ZNF330: variants seen among roughly 807,000 people sequenced by gnomAD.
ZNF330 encodes nucleolar atypical zinc finger, also known as zinc finger protein 330.
ZNF330 carries 31 observed loss-of-function variants against 45.5 expected under a neutral mutation model. The observed-to-expected ratio is 0.68, with a 90% CI of 0.51 to 0.92. The LOEUF is 0.92. Among genes scored for constraint, ZNF330 ranks in the 40% least tolerant of loss-of-function variants. ZNF330 has a pLI of 0.00. For synonymous variants in ZNF330, 138 were observed against 123.2 expected (o/e 1.12, Z -0.79); for missense variants, 356 against 387.4 (o/e 0.92, Z 0.68).
At chr4:141,233,061 G>A (rs1161474702) in intron 9 of ZNF330, among the ~76,000 whole-genome samples, 2 of 152,042 alleles carry the variant, frequency 1.3e-5, no homozygotes, top group African/African-American at 2.4e-5. Context: ...GTTTATTTAT[G>A]TAATATAGCA....
At chr4:141,228,816 C>CT (rs1309712818) in intron 5 of ZNF330, among the ~76,000 whole-genome samples, 2 of 126,582 alleles carry the variant, frequency 1.6e-5, no homozygotes, top group Middle Eastern at 3.8e-3. Context: ...TGTAATCCAA[C>CT]TCGGGACTTG....
chr4:141,222,098 A>G (rs3775594), intron 1 of ZNF330, among the ~76,000 whole-genome samples: 41,816 of 152,026 alleles, frequency 0.28, 6,219 homozygotes, highest in East Asian at 0.61. Flanking sequence ...GTGGGAAAAG[A>G]AGACTAGTTT....
upstream of ZNF330, among the ~76,000 whole-genome samples, chr4:141,220,553 A>C (rs544035226): frequency 1.2e-4 from 18 of 152,354 alleles, no homozygotes; most frequent in African/African-American, 4.3e-4. Flanking sequence ...CGCAGCAACC[A>C]AGAAAAGGTG....
At chr4:141,231,863 G>A (rs1001759635) in intron 8 of ZNF330, among the ~76,000 whole-genome samples, 3 of 152,046 alleles carry the variant, frequency 2.0e-5, no homozygotes, top group Non-Finnish European at 4.4e-5. Flanking sequence ...TCTAGCATTC[G>A]TTCGTCAAAG....
chr4:141,227,600 C>A (rs540287171), intron 5 of ZNF330, among the ~76,000 whole-genome samples: 1 of 152,058 alleles, frequency 6.6e-6, no homozygotes, highest in Non-Finnish European at 1.5e-5. Flanking sequence ...AATAAACATA[C>A]GTGTGCATTT....
At chr4:141,232,842 C>T (rs891321100) in intron 9 of ZNF330, among the ~76,000 whole-genome samples, 200 bp downstream of exon 9, 1 of 151,854 alleles carries the variant, frequency 6.6e-6, no homozygotes, top group Admixed American at 6.6e-5. Context: ...GACCAATATT[C>T]ATTTTGATAT....
chr4:141,224,726 C>T (rs1337882159), intron 4 of ZNF330, 49 bp downstream of exon 4: 2 of 1,529,482 alleles, frequency 1.3e-6, no homozygotes, highest in East Asian at 2.3e-5. Flanking sequence ...ACTGGTAGTT[C>T]AACAATTTGA....
chr4:141,233,988 AG>A lies in ZNF330; in HGVS notation c.*3del. 1 of 1,610,058 alleles carries A rather than the reference AG, an allele frequency of 6.2e-7. No individual in the cohort carries two copies. Among genetic ancestry groups the A allele is most frequent in the Non-Finnish European group, 8.5e-7 (1 of 1,177,688 alleles). Reference sequence around the variant, plus strand: ...GCTCACTATGAGGAACAAGAGAACTAGGGGAGCTGCTCTGGTGGCCGTGTGT... The same window carrying A: ...GCTCACTATGAGGAACAAGAGAACTAGGGAGCTGCTCTGGTGGCCGTGTGT... Reference protein sequence around the residue: ...GYAHYEEQEN* With the variant: ...GYAHYEEQENX On this transcript the variant is annotated frameshift_variant and stop_lost, in exon 10 of 10. Coordinates refer to ENST00000262990, the MANE Select transcript of ZNF330 (RefSeq NM_014487.6). LOFTEE classifies it high-confidence loss of function.
At chr4:141,222,875 C>T (rs1347032025) in intron 2 of ZNF330, 6 of 162,430 alleles carry the variant, frequency 3.7e-5, no homozygotes, top group Admixed American at 3.6e-4. Flanking sequence ...CATTCTATTA[C>T]CTTATCTACC....
intron 5 of ZNF330, among the ~76,000 whole-genome samples, chr4:141,228,115 G>A (rs976542308): frequency 6.6e-6 from 1 of 152,048 alleles, no homozygotes; most frequent in Non-Finnish European, 1.5e-5. Context: ...GGAGACCTAT[G>A]ATATATTTCA....
rs1236628525 is a variant in ZNF330, at chr4:141,233,728, A to C, written c.702A>C (p.Lys234Asn). Residue 234 changes from lysine to asparagine, a missense_variant, in exon 10 of 10, where the codon AAA (lysine) becomes AAC (asparagine). Lys to Asn is a moderately conservative substitution (Grantham distance 94). Transcript: ENST00000262990. ...TGTCTTCTATAGCACGCTCCCTGAA[A>C]TTTGGCAGGCAGACTGGAGGTGAAG... ...KDLSMSTRSL[K>N]FGRQTGGEEG... The C allele has an allele frequency of 6.2e-7, 1 of 1,613,114 alleles. No homozygotes were observed. Among genetic ancestry groups the C allele is most frequent in the East Asian group, 2.2e-5 (1 of 44,854 alleles).
chr4:141,231,575 T>C, intron 8 of ZNF330, 90 bp downstream of exon 8: 1 of 888,208 alleles, frequency 1.1e-6, no homozygotes, highest in Non-Finnish European at 1.7e-6. Flanking sequence ...CTATAATTAA[T>C]TTATAAGGGA....
chr4:141,224,480 G>A lies in ZNF330; in HGVS notation c.121-7G>A, dbSNP rs1420078404. ...AAAAATTAATGTGATATTTTTATAT[G>A]TTACAGGAATGTGACAAGTGTCAGA... is the stretch of plus-strand genomic sequence containing the variant. On this transcript the variant is annotated splice_polypyrimidine_tract_variant and splice_region_variant and intron_variant, in intron 2 of 9. Transcript: ENST00000262990. 1 of 1,604,724 alleles carries A rather than the reference G, an allele frequency of 6.2e-7. No homozygotes were observed. Among genetic ancestry groups the A allele is most frequent in the Non-Finnish European group, 8.5e-7 (1 of 1,174,276 alleles).
At chr4:141,222,537 A>G in intron 2 of ZNF330, 46 bp downstream of exon 2, 1 of 1,591,830 alleles carries the variant, frequency 6.3e-7, no homozygotes, top group Admixed American at 1.8e-5. Context: ...AAAACTATAT[A>G]CTATTTTATC....
At chr4:141,233,529 T>C (rs547401360) in intron 9 of ZNF330, among the ~76,000 whole-genome samples, 186 bp from the exon 10 acceptor site, 1 of 152,268 alleles carries the variant, frequency 6.6e-6, no homozygotes, top group South Asian at 2.1e-4. Flanking sequence ...TTTAATGAAA[T>C]TACACTGTAA....
chr4:141,226,007 A>G (rs1002646064), intron 4 of ZNF330, among the ~76,000 whole-genome samples: 1 of 152,038 alleles, frequency 6.6e-6, no homozygotes, highest in African/African-American at 2.4e-5. Context: ...GATAACGGAA[A>G]ATTGTTTCTT....
chr4:141,232,779 AT>A (rs921886102), intron 9 of ZNF330, 137 bp downstream of exon 9: 31 of 442,772 alleles, frequency 7.0e-5, no homozygotes, highest in African/African-American at 6.1e-4. Context: ...AGCAAGTGGA[AT>A]TTTACAGCTT....
At chr4:141,228,114 T>C (rs966171393) in intron 5 of ZNF330, among the ~76,000 whole-genome samples, 1 of 152,140 alleles carries the variant, frequency 6.6e-6, no homozygotes, top group African/African-American at 2.4e-5. Context: ...GGGAGACCTA[T>C]GATATATTTC....
chr4:141,232,240 T>G (rs1728977467), intron 8 of ZNF330, among the ~76,000 whole-genome samples: 1 of 152,148 alleles, frequency 6.6e-6, no homozygotes, highest in Non-Finnish European at 1.5e-5. Context: ...TGTTCACCAT[T>G]ATTTCATTTC....
Sources: gnomAD v4.1 joint callset for allele counts (sites outside exome capture counted in the v4.1 genomes callset) on GRCh38, gnomAD v4.1.1 for gene constraint, MANE v1.5 for transcripts, NCBI Gene and HGNC (gene_info 2026-07-23, HGNC 2026-07-21) for gene names.